The following EME1 variants were observed in gnomAD, a reference collection of about 807,000 sequenced individuals.
EME1 encodes structure-specific endonuclease subunit EME1.
Under a neutral mutation model 59.1 loss-of-function variants are expected in EME1, and 61 were observed. The observed-to-expected ratio is 1.03, with a 90% confidence interval of 0.84 to 1.28. The LOEUF (loss-of-function observed/expected upper bound fraction) is 1.28, where lower values mean the gene tolerates loss of function less well. Among genes scored for constraint, EME1 ranks in the 50% most tolerant of loss-of-function variants. The probability of loss-of-function intolerance (pLI) is 0.00; values close to 1 mark genes in which losing one functional copy is unlikely to be tolerated. For missense variants in EME1, 635 were observed against 682.6 expected, an observed-to-expected ratio of 0.93 and a Z score of 0.78; for synonymous variants, 230 against 254.2, an observed-to-expected ratio of 0.90 and a Z score of 0.90.
rs751293230 is a variant in EME1, at chr17:50,375,940, G to A, written c.732G>A (p.Arg244=). 6.2e-7 allele frequency: 1 copy of A among 1,611,294 alleles called. No homozygotes were observed. The highest frequency in any genetic ancestry group is 1.1e-5 in the South Asian group (1 of 90,808). Residue 244 remains arginine, a synonymous_variant, in exon 2 of 9, where the codon AGG becomes AGA. Transcript: ENST00000338165. The part of the protein sequence containing the change: ...AALVTRMKAQ[R]PEECLKHIIV... ...TGGTTACCAGGATGAAAGCCCAGAG[G>A]CCAGAGGAATGCTTAAAACACATCA...
At chr17:50,377,159 C>G (rs1053205425) in intron 3 of EME1, among the ~76,000 whole-genome samples, 1 of 152,050 alleles carries the variant, frequency 6.6e-6, no homozygotes, top group Non-Finnish European at 1.5e-5. Flanking sequence ...CTCAGTAACA[C>G]AGGACAGTTC....
chr17:50,376,748 G>T (rs1425154577), intron 3 of EME1, among the ~76,000 whole-genome samples: 2 of 152,184 alleles, frequency 1.3e-5, no homozygotes, highest in Non-Finnish European at 2.9e-5. Flanking sequence ...TGCCACAGAG[G>T]GGGACAGCAA....
In EME1 at chr17:50,376,187, G is replaced by C. The variant is rs200170166; in HGVS notation, c.897G>C (p.Pro299=). 3 of 1,612,732 alleles carry C rather than the reference G, an allele frequency of 1.9e-6. No individual in the cohort carries two copies. In the East Asian group the frequency reaches 6.7e-5, roughly 36 times the overall value. ...CSVTWRRRAG[P]SEDREDWVEE... ...TCACTTGGAGGAGAAGGGCTGGGCC[G>C]TCTGAGGTAGGAGTTTTCTGGCTGA... The change falls in exon 3 of 9, where the codon CCG becomes CCC. Residue 299 remains proline, a synonymous_variant. Coordinates refer to ENST00000338165, the MANE Select transcript of EME1 (RefSeq NM_152463.4).
chr17:50,377,322 C>T (rs994757189), intron 3 of EME1, among the ~76,000 whole-genome samples: 1 of 152,082 alleles, frequency 6.6e-6, no homozygotes, highest in African/African-American at 2.4e-5. Flanking sequence ...AACTGGGGCT[C>T]AGAAAAGTTA....
At chr17:50,376,282 G>A in intron 3 of EME1, 89 bp downstream of exon 3, 1 of 1,545,652 alleles carries the variant, frequency 6.5e-7, no homozygotes, top group Non-Finnish European at 8.8e-7. Context: ...TACTTATCAG[G>A]GCCCCAGCAG....
At chr17:50,374,724 G>A (rs958041274) in intron 1 of EME1, among the ~76,000 whole-genome samples, 1 of 151,916 alleles carries the variant, frequency 6.6e-6, no homozygotes, top group Non-Finnish European at 1.5e-5. Flanking sequence ...TGGTGGTGGG[G>A]CGCCTGTAAT....
intron 3 of EME1, among the ~76,000 whole-genome samples, chr17:50,378,074 CTT>C (rs548303320): frequency 3.7e-4 from 52 of 140,320 alleles, no homozygotes; most frequent in Admixed American, 5.0e-4. Flanking sequence ...TGCTATGTTC[CTT>C]TTTTTTTTTT....
chr17:50,377,314 CTG>C (rs1008631146), intron 3 of EME1, among the ~76,000 whole-genome samples: 23 of 152,142 alleles, frequency 1.5e-4, no homozygotes, highest in African/African-American at 3.9e-4. Context: ...GGTGGGGAAA[CTG>C]GGGCTCAGAA....
intron 8 of EME1, 88 bp from the exon 9 acceptor site, chr17:50,380,674 GC>G: frequency 6.3e-7 from 1 of 1,579,038 alleles, no homozygotes; most frequent in Non-Finnish European, 8.6e-7. Context: ...AGGTTCTCAT[GC>G]CCCAAGCCAA....
chr17:50,380,762 G>A lies in EME1; in HGVS notation c.1537-1G>A, dbSNP rs371281702. The A allele has an allele frequency of 1.2e-4, 199 of 1,613,856 alleles. No individual in the cohort carries two copies. Among genetic ancestry groups the A allele is most frequent in the Non-Finnish European group, 1.7e-4 (196 of 1,180,034 alleles). On this transcript the variant is annotated splice_acceptor_variant, in intron 8 of 8. Coordinates refer to ENST00000338165, the MANE Select transcript of EME1 (RefSeq NM_152463.4). LOFTEE classifies it high-confidence loss of function. ...ATTAAGAGGTCATCTACCACTTCCA[G>A]GCTTATCAGCAGTGTTTTTCGGATA...
At position 50,380,867 on chromosome 17, in the gene EME1, A is replaced by G; in HGVS notation, c.1641A>G (p.Pro547=). ...CATCCACTTCTCGCCGCATTGGACC[A>G]GAACTATCCAGGCGTATCTACCTTC... ...GVTSTSRRIG[P]ELSRRIYLQM... Residue 547 remains proline (P), a synonymous_variant, in exon 9 of 9, where the codon CCA becomes CCG. Transcript: ENST00000338165. 1 of 1,614,194 alleles carries G rather than the reference A, an allele frequency of 6.2e-7. No homozygotes were observed. The highest frequency in any genetic ancestry group is 1.3e-5 in the African/African-American group (1 of 75,060).
rs1325179320 is a variant in EME1, at chr17:50,375,384, C to T, written c.176C>T (p.Ala59Val). The T allele has an allele frequency of 1.9e-6, 3 of 1,614,074 alleles. No individual in the cohort carries two copies. The highest frequency in any genetic ancestry group is 1.3e-5 in the African/African-American group (1 of 74,928). ...ISDCEASCPP[A>V]PELFSPPVPE... ...GATTGTGAAGCCTCCTGTCCTCCAG[C>T]ACCAGAGTTATTTTCACCACCTGTC... is the stretch of plus-strand genomic sequence containing the variant. Residue 59 changes from alanine to valine, a missense_variant, in exon 2 of 9, where the codon GCA becomes GTA. Physicochemically the swap from Ala to Val is moderately conservative, Grantham distance 64. Coordinates refer to ENST00000338165, the MANE Select transcript of EME1 (RefSeq NM_152463.4).
In EME1 at chr17:50,375,966, T is replaced by C. The variant is rs774647688; in HGVS notation, c.758T>C (p.Ile253Thr). The change falls in exon 2 of 9, where the codon ATT becomes ACT. Residue 253 changes from isoleucine to threonine, a missense_variant. By Grantham distance (89) the Ile-to-Thr change is moderately conservative (BLOSUM62 -1). Coordinates refer to ENST00000338165, the MANE Select transcript of EME1 (RefSeq NM_152463.4). ...QRPEECLKHI[I>T]VVLDPVLLQM... ...CCAGAGGAATGCTTAAAACACATCA[T>C]TGTAGTGCTGGATCCAGGTCCTCAC... The C allele has an allele frequency of 1.1e-5, 17 of 1,606,778 alleles. No homozygotes were observed. Among genetic ancestry groups the C allele is most frequent in the Non-Finnish European group, 1.1e-5 (13 of 1,175,200 alleles).
At chr17:50,375,079 G>A in intron 1 of EME1, 106 bp from the exon 2 acceptor site, 2 of 846,136 alleles carry the variant, frequency 2.4e-6, no homozygotes, top group East Asian at 2.5e-5. Flanking sequence ...CTCTGTTTCT[G>A]TATTCTCTAT....
chr17:50,377,645 C>T (rs1913545399), intron 3 of EME1, among the ~76,000 whole-genome samples: 1 of 152,210 alleles, frequency 6.6e-6, no homozygotes, highest in South Asian at 2.1e-4. Flanking sequence ...CAGCATCTGC[C>T]TTCAAAGCCA....
chr17:50,379,745 C>A, intron 7 of EME1, 178 bp downstream of exon 7: 1 of 593,290 alleles, frequency 1.7e-6, no homozygotes. Flanking sequence ...TCAAGCCTAG[C>A]GCCTTTTCAA....
At position 50,376,191 on chromosome 17, in the gene EME1, G is replaced by A; in HGVS notation, c.901G>A (p.Glu301Lys). 2 of 1,612,180 alleles carry A rather than the reference G, an allele frequency of 1.2e-6. No homozygotes were observed. The highest frequency in any genetic ancestry group is 1.7e-6 in the Non-Finnish European group (2 of 1,179,248). Residue 301 changes from glutamate (E) to lysine (K), a missense_variant and splice_region_variant, in exon 3 of 9, where the codon GAG (glutamate) becomes AAG (lysine). Transcript: ENST00000338165. ...VTWRRRAGPS[E>K]DREDWVEEPT... ...TTGGAGGAGAAGGGCTGGGCCGTCT[G>A]AGGTAGGAGTTTTCTGGCTGACATT...
In EME1 at chr17:50,381,318, G is replaced by A. The variant is rs1913829868; in HGVS notation, c.*379G>A. 3 of 217,874 alleles carry A rather than the reference G, an allele frequency of 1.4e-5. No individual in the cohort carries two copies. The highest frequency in any genetic ancestry group is 6.8e-5 in the African/African-American group (3 of 44,002). The allele number at this position is 217,874 out of a possible 1,614,324, so 13.5% of individuals were successfully genotyped here. ...CTTGAAGTCGTGAGTGAAGCTGCGG[G>A]TTGGCTTGACTGGGCTCAGCCACTG... On this transcript the variant is annotated 3_prime_UTR_variant, in exon 9 of 9. Coordinates refer to ENST00000338165, the MANE Select transcript of EME1 (RefSeq NM_152463.4).
intron 4 of EME1, 31 bp downstream of exon 4, chr17:50,378,712 G>T: frequency 6.2e-7 from 1 of 1,614,180 alleles, no homozygotes; most frequent in Non-Finnish European, 8.5e-7. Context: ...GGAGGACACG[G>T]AACAGAGGGC....
Sources: gnomAD v4.1 joint callset for allele counts (sites outside exome capture counted in the v4.1 genomes callset) on GRCh38, gnomAD v4.1.1 for gene constraint, MANE v1.5 for transcripts, NCBI Gene and HGNC (gene_info 2026-07-23, HGNC 2026-07-21) for gene names.